The following PMFBP1 variants were observed in gnomAD, a reference collection of about 807,000 sequenced individuals.
PMFBP1 encodes polyamine-modulated factor 1-binding protein 1.
PMFBP1 carries 131 observed loss-of-function variants against 137.8 expected under a neutral mutation model. That is an observed-to-expected ratio of 0.95 (90% CI 0.82 to 1.10). The LOEUF (loss-of-function observed/expected upper bound fraction) is 1.10, where lower values mean the gene tolerates loss of function less well. Among genes scored for constraint, PMFBP1 ranks in the 50% least tolerant of loss-of-function variants. PMFBP1 has a pLI of 0.00. For synonymous variants in PMFBP1, 490 were observed against 450.4 expected (o/e 1.09, Z -1.11); for missense variants, 1,199 against 1,175.4 (o/e 1.02, Z -0.29).
At chr16:72,208,802 C>T in the PMFBP1 span, among the ~76,000 whole-genome samples, 3 of 152,122 alleles carry the variant, frequency 2.0e-5, no homozygotes, top group East Asian at 1.9e-4. Context: ...GGCATTGGTG[C>T]GAGATGGGTC....
chr16:72,189,938 G>C, the PMFBP1 span, among the ~76,000 whole-genome samples: 1 of 152,126 alleles, frequency 6.6e-6, no homozygotes, highest in Non-Finnish European at 1.5e-5. Flanking sequence ...CTGCCTCTGG[G>C]TGAGTGTCAT....
the PMFBP1 span, among the ~76,000 whole-genome samples, chr16:72,229,506 A>G: frequency 6.6e-6 from 1 of 151,922 alleles, no homozygotes; most frequent in Non-Finnish European, 1.5e-5. Context: ...CCACAACCTC[A>G]CCAATATTTT....
the PMFBP1 span, among the ~76,000 whole-genome samples, chr16:72,207,218 C>T: frequency 1.3e-5 from 2 of 151,980 alleles, no homozygotes; most frequent in African/African-American, 4.8e-5. Context: ...AATGAGAAGG[C>T]TGCTGCACAT....
intron 3 of PMFBP1, 93 bp from the exon 4 acceptor site, chr16:72,154,552 A>G: frequency 1.5e-6 from 2 of 1,361,240 alleles, no homozygotes; most frequent in Non-Finnish European, 2.0e-6. Flanking sequence ...TCAGTCATTC[A>G]CATCCATCTA....
At chr16:72,186,822 A>G in the PMFBP1 span, among the ~76,000 whole-genome samples, 1 of 152,216 alleles carries the variant, frequency 6.6e-6, no homozygotes, top group Non-Finnish European at 1.5e-5. Flanking sequence ...AATTAAAAGC[A>G]AGCAAACAGG....
chr16:72,183,194 C>T, the PMFBP1 span, among the ~76,000 whole-genome samples: 1 of 152,254 alleles, frequency 6.6e-6, no homozygotes, highest in South Asian at 2.1e-4. Flanking sequence ...CCACAAATTA[C>T]TCAGCTTGAG....
the PMFBP1 span, among the ~76,000 whole-genome samples, chr16:72,187,951 C>T: frequency 4.6e-5 from 7 of 152,196 alleles, no homozygotes; most frequent in Non-Finnish European, 8.8e-5. Flanking sequence ...GCTGAACATG[C>T]TGTCATTAAC....
chr16:72,153,388 A>AT (rs1321389384), intron 4 of PMFBP1, among the ~76,000 whole-genome samples: 1 of 151,726 alleles, frequency 6.6e-6, no homozygotes, highest in East Asian at 1.9e-4. Flanking sequence ...ACTCTTTGAA[A>AT]TTTTTTTTTC....
At chr16:72,162,712 C>G (rs969163210) in intron 3 of PMFBP1, among the ~76,000 whole-genome samples, 2 of 152,206 alleles carry the variant, frequency 1.3e-5, no homozygotes, top group Admixed American at 6.5e-5. Flanking sequence ...AGCTGTTAGA[C>G]CTTCTTCTGG....
At chr16:72,120,776 T>C (rs1042081818) in intron 19 of PMFBP1, among the ~76,000 whole-genome samples, 1 of 152,204 alleles carries the variant, frequency 6.6e-6, no homozygotes, top group Non-Finnish European at 1.5e-5. Flanking sequence ...GAAACCAGAC[T>C]TCCCACGTTG....
chr16:72,157,246 T>C (rs1177767762), intron 3 of PMFBP1, among the ~76,000 whole-genome samples: 3 of 142,654 alleles, frequency 2.1e-5, no homozygotes. Flanking sequence ...AGTTTGCATC[T>C]AATATGGGGA....
chr16:72,136,475 G>T lies in PMFBP1; in HGVS notation c.1176C>A (p.Thr392=). 1.2e-6 allele frequency: 2 copies of T among 1,613,840 alleles called. No individual in the cohort carries two copies. Among genetic ancestry groups the T allele is most frequent in the South Asian group, 2.2e-5 (2 of 91,056 alleles). ...TGTCTTTCTTCAAAGTGAGCTTTTG[G>T]GTCTCGGTGAACTCCAGCTGCAGCT... is the stretch of plus-strand genomic sequence containing the variant. ...LQELQLEFTE[T]QKLTLKKDKF... is the part of the protein sequence containing the mutation. Residue 392 remains threonine, a synonymous_variant, in exon 9 of 21, where the codon ACC becomes ACA. Transcript: ENST00000237353.
the PMFBP1 span, among the ~76,000 whole-genome samples, chr16:72,204,694 T>C: frequency 2.0e-5 from 3 of 152,146 alleles, no homozygotes; most frequent in African/African-American, 7.2e-5. Context: ...TGGCTAGTAC[T>C]TGATATACCA....
the PMFBP1 span, among the ~76,000 whole-genome samples, chr16:72,237,128 C>T: frequency 3.9e-5 from 6 of 152,104 alleles, no homozygotes; most frequent in East Asian, 1.9e-4. Context: ...TAAATACTCC[C>T]GCTTAGAAGG....
chr16:72,161,585 T>C (rs529109216), intron 3 of PMFBP1, among the ~76,000 whole-genome samples: 1 of 152,230 alleles, frequency 6.6e-6, no homozygotes, highest in South Asian at 2.1e-4. Context: ...TTAGAATAAT[T>C]TTTGATTTAC....
At chr16:72,217,766 T>C in the PMFBP1 span, among the ~76,000 whole-genome samples, 2 of 152,092 alleles carry the variant, frequency 1.3e-5, no homozygotes, top group South Asian at 4.2e-4. Context: ...GGCAGGAGAA[T>C]TGCTTGAACT....
At chr16:72,117,200 C>T (rs2042316922), downstream of PMFBP1, among the ~76,000 whole-genome samples, 1 of 152,052 alleles carries the variant, frequency 6.6e-6, no homozygotes, top group Non-Finnish European at 1.5e-5. Flanking sequence ...TTATAGTTTT[C>T]ATTGTACAAG....
the PMFBP1 span, among the ~76,000 whole-genome samples, chr16:72,239,915 A>G: frequency 7.8e-3 from 1,132 of 144,872 alleles, 17 homozygotes; most frequent in Non-Finnish European, 0.01. Context: ...AAAAAAAAAA[A>G]AAGAATGTTC....
chr16:72,198,065 T>C, the PMFBP1 span, among the ~76,000 whole-genome samples: 2 of 152,154 alleles, frequency 1.3e-5, no homozygotes, highest in South Asian at 4.1e-4. Flanking sequence ...GGGGGTGGCT[T>C]TTCTTTTCTT....
Sources: gnomAD v4.1 joint callset for allele counts (sites outside exome capture counted in the v4.1 genomes callset) on GRCh38, gnomAD v4.1.1 for gene constraint, MANE v1.5 for transcripts, NCBI Gene and HGNC (gene_info 2026-07-23, HGNC 2026-07-21) for gene names.